FRMD4B: variants seen among roughly 807,000 people sequenced by gnomAD.
The protein encoded by FRMD4B is FERM domain-containing protein 4B.
FRMD4B carries 74 observed loss-of-function variants against 141.5 expected under a neutral mutation model. The observed-to-expected ratio is 0.52, with a 90% confidence interval of 0.43 to 0.63. The LOEUF (loss-of-function observed/expected upper bound fraction) is 0.63, where lower values mean the gene tolerates loss of function less well. FRMD4B is among the 30% of genes least tolerant of loss of function. FRMD4B has a pLI of 0.00. For synonymous variants in FRMD4B, 506 were observed against 467.9 expected (o/e 1.08, Z -1.05); for missense variants, 1,366 against 1,253.4 (o/e 1.09, Z -1.36).
At chr3:69,323,738 GA>G (rs1702094595) in intron 1 of FRMD4B, among the ~76,000 whole-genome samples, 1 of 150,610 alleles carries the variant, frequency 6.6e-6, no homozygotes. Context: ...TTGAGGCTCA[GA>G]AAAGGTACAT....
chr3:69,193,674 G>C lies in FRMD4B; in HGVS notation c.1688C>G (p.Pro563Arg). 1 of 1,611,196 alleles carries C rather than the reference G, an allele frequency of 6.2e-7. No homozygotes were observed. The highest frequency in any genetic ancestry group is 8.5e-7 in the Non-Finnish European group (1 of 1,178,364). The change falls in exon 17 of 23, where the codon CCC becomes CGC. Residue 563 changes from proline (P) to arginine (R), a missense_variant. Physicochemically the swap from Pro to Arg is moderately radical, Grantham distance 103. Transcript: ENST00000398540. ...NEYRIRCGKK[P>R]SQKATVLPED... ...TGGTAACACTGTTGCTTTCTGGCTGGGTTTCTTTCCACACCTAATTCGGTA... is the reference window on the plus strand; with the variant it reads ...TGGTAACACTGTTGCTTTCTGGCTGCGTTTCTTTCCACACCTAATTCGGTA...
intron 1 of FRMD4B, 24 bp downstream of exon 1, chr3:69,385,804 C>T (rs372568523): frequency 6.4e-5 from 97 of 1,521,112 alleles, no homozygotes; most frequent in Non-Finnish European, 7.9e-5. Context: ...CTGGGGCCCT[C>T]GGGTGCCGCG....
intron 1 of FRMD4B, among the ~76,000 whole-genome samples, chr3:69,453,531 G>T (rs984653982): frequency 6.6e-6 from 1 of 152,172 alleles, no homozygotes; most frequent in African/African-American, 2.4e-5. Context: ...GCCAAACTCT[G>T]GCTCTCAAAG....
At chr3:69,469,256 G>A (rs577170657) in intron 1 of FRMD4B, among the ~76,000 whole-genome samples, 23 of 152,248 alleles carry the variant, frequency 1.5e-4, no homozygotes, top group African/African-American at 3.6e-4. Context: ...GTCATGAGGC[G>A]TCATCAGAAT....
intron 1 of FRMD4B, among the ~76,000 whole-genome samples, chr3:69,371,411 G>A (rs1703819445): frequency 6.6e-6 from 1 of 152,196 alleles, no homozygotes; most frequent in Non-Finnish European, 1.5e-5. Context: ...ACACACAGGG[G>A]CCTTGTAGAG....
intron 1 of FRMD4B, among the ~76,000 whole-genome samples, chr3:69,338,501 G>T (rs1484217059): frequency 6.6e-6 from 1 of 152,148 alleles, no homozygotes; most frequent in African/African-American, 2.4e-5. Flanking sequence ...ATATTATGCA[G>T]CCATAAAAAA....
intron 3 of FRMD4B, among the ~76,000 whole-genome samples, chr3:69,308,574 A>T (rs577834675): frequency 6.6e-6 from 1 of 151,600 alleles, no homozygotes; most frequent in Non-Finnish European, 1.5e-5. Context: ...AGGAGCTGGG[A>T]CTACAGGTGT....
chr3:69,414,509 T>C (rs375952247), intron 2 of FRMD4B, among the ~76,000 whole-genome samples: 1 of 152,228 alleles, frequency 6.6e-6, no homozygotes, highest in Non-Finnish European at 1.5e-5. Context: ...GATGAACATG[T>C]TGTGGTCCAG....
chr3:69,189,375 A>G (rs2092811192), intron 18 of FRMD4B, among the ~76,000 whole-genome samples: 3 of 152,154 alleles, frequency 2.0e-5, no homozygotes, highest in South Asian at 4.1e-4. Context: ...AATAAAATAA[A>G]CTTTCCTTTA....
chr3:69,211,667 G>T (rs982773981), intron 11 of FRMD4B, among the ~76,000 whole-genome samples: 2 of 152,158 alleles, frequency 1.3e-5, no homozygotes, highest in African/African-American at 4.8e-5. Context: ...CCACATAATT[G>T]TAACAAGACG....
chr3:69,483,334 G>A (rs762239946), intron 1 of FRMD4B, among the ~76,000 whole-genome samples: 1 of 152,190 alleles, frequency 6.6e-6, no homozygotes, highest in African/African-American at 2.4e-5. Flanking sequence ...AATCTTAAGA[G>A]CTGCTTCTTT....
chr3:69,193,658 T>G lies in FRMD4B; in HGVS notation c.1704A>C (p.Thr568=). The G allele has an allele frequency of 6.2e-7, 1 of 1,604,734 alleles. No homozygotes were observed. The highest frequency in any genetic ancestry group is 1.1e-5 in the South Asian group (1 of 90,432). ...RCGKKPSQKA[T]VLPEDIIPSE... ...TTACTTATTACTAACCTGGTAACAC[T>G]GTTGCTTTCTGGCTGGGTTTCTTTC... Residue 568 remains threonine, a synonymous_variant, in exon 17 of 23, where the codon ACA becomes ACC. Transcript: ENST00000398540.
rs544684632 is a variant in FRMD4B at position 69,530,371 on chromosome 3, C to G, written c.-129+11835G>C. 2.0e-5 allele frequency among the ~76,000 whole-genome samples: 3 copies of G among 152,280 alleles called. No homozygotes were observed. The South Asian group carries it at 6.2e-4, about 32-fold the overall frequency. ...CTCACTCTATTGGTTTTCACAAGAG[C>G]TAGTTGTTAAAAAGAGTCTGGCATG... is the stretch of plus-strand genomic sequence containing the variant. On this transcript the variant is annotated intron_variant, in intron 1 of 5. Transcript: ENST00000459638.
intron 1 of FRMD4B, among the ~76,000 whole-genome samples, chr3:69,364,418 G>A (rs1269781747): frequency 1.3e-5 from 2 of 152,216 alleles, no homozygotes; most frequent in African/African-American, 4.8e-5. Flanking sequence ...AAGGGAGACT[G>A]GGTGCTAATG....
chr3:69,534,831 A>G (rs775628742), intron 1 of FRMD4B, among the ~76,000 whole-genome samples: 12 of 152,266 alleles, frequency 7.9e-5, no homozygotes, highest in Admixed American at 5.2e-4. Flanking sequence ...CAAATGGACA[A>G]TAAGTGGACA....
At chr3:69,336,148 A>T (rs974109923) in intron 1 of FRMD4B, among the ~76,000 whole-genome samples, 2 of 152,232 alleles carry the variant, frequency 1.3e-5, no homozygotes, top group African/African-American at 4.8e-5. Flanking sequence ...GTTTAAGAAA[A>T]AAAAGGCAAC....
intron 22 of FRMD4B, among the ~76,000 whole-genome samples, chr3:69,173,377 T>C (rs1178531214): frequency 6.6e-6 from 1 of 152,192 alleles, no homozygotes; most frequent in Non-Finnish European, 1.5e-5. Context: ...CCGGATACTC[T>C]AGGGCAAAGG....
chr3:69,311,631 T>C (rs1368373834), intron 2 of FRMD4B, among the ~76,000 whole-genome samples: 1 of 152,140 alleles, frequency 6.6e-6, no homozygotes, highest in African/African-American at 2.4e-5. Context: ...AAGGTGCACT[T>C]ACTAAGATGT....
chr3:69,214,661 C>G (rs936701947), intron 11 of FRMD4B, among the ~76,000 whole-genome samples: 2 of 152,016 alleles, frequency 1.3e-5, no homozygotes, highest in Non-Finnish European at 2.9e-5. Flanking sequence ...GAGTTCAAGA[C>G]CAGTCTGGGA....
Sources: gnomAD v4.1 joint callset for allele counts (sites outside exome capture counted in the v4.1 genomes callset) on GRCh38, gnomAD v4.1.1 for gene constraint, MANE v1.5 for transcripts, NCBI Gene and HGNC (gene_info 2026-07-23, HGNC 2026-07-21) for gene names.